Variants in CHSY1 observed in about 807,000 individuals in gnomAD.
The protein encoded by CHSY1 is N-acetylgalactosaminyl-proteoglycan 3-beta-glucuronosyltransferase 1.
A neutral mutation model predicts 59.8 loss-of-function variants in CHSY1; 13 were observed. That is an observed-to-expected ratio of 0.22 (90% CI 0.14 to 0.35). CHSY1 has a LOEUF of 0.35. CHSY1 is among the 10% of genes least tolerant of loss of function. The pLI, the probability that CHSY1 is intolerant of heterozygous loss-of-function variation, is 1.00. For missense variants in CHSY1, 947 were observed against 1,030.6 expected (o/e 0.92, Z 1.11); for synonymous variants, 459 against 401.2 (o/e 1.14, Z -1.72).
At chr15:101,185,255 T>A (rs558387060) in intron 2 of CHSY1, among the ~76,000 whole-genome samples, 1 of 152,302 alleles carries the variant, frequency 6.6e-6, no homozygotes, top group East Asian at 1.9e-4. Flanking sequence ...AAAGCAAAAA[T>A]GTCAATGAGA....
rs577737274 is a variant in CHSY1 at position 101,182,384 on chromosome 15, C to T, written c.817-3404G>A. Among the ~76,000 whole-genome samples the T allele has an allele frequency of 8.9e-4, 136 of 152,334 alleles. 2 individuals are homozygous for T. The South Asian group carries it at 0.017, about 19-fold the overall frequency. On this transcript the variant is annotated intron_variant, in intron 2 of 2. Coordinates refer to ENST00000254190, the MANE Select transcript of CHSY1 (RefSeq NM_014918.5). ...CATTTCAAGCCTACATTTGCACCAGCTGAGCTCACCACAGTGGCAACAGGA... is the reference window on the plus strand; with the variant it reads ...CATTTCAAGCCTACATTTGCACCAGTTGAGCTCACCACAGTGGCAACAGGA...
At chr15:101,188,241 G>A in intron 2 of CHSY1, 1 of 962,836 alleles carries the variant, frequency 1.0e-6, no homozygotes, top group Non-Finnish European at 1.2e-6. Flanking sequence ...TTCAAAGAAA[G>A]TAAGCGTTGT....
chr15:101,228,572 GA>G (rs1203112107), intron 2 of CHSY1, among the ~76,000 whole-genome samples: 2 of 151,964 alleles, frequency 1.3e-5, no homozygotes, highest in African/African-American at 2.4e-5. Flanking sequence ...AGTGATAAAA[GA>G]AAAAAAGATT....
Position 101,178,013 on chromosome 15 carries a change from G to A in CHSY1, c.1784C>T (p.Pro595Leu). The change falls in exon 3 of 3, where the codon CCT becomes CTT. Residue 595 changes from proline to leucine, a missense_variant. Physicochemically the swap from Pro to Leu is moderately conservative, Grantham distance 98. Around this residue, in one of 4 missense-constraint regions of CHSY1, gnomAD observed 602 missense variants for 676.9 expected, o/e 0.89. Coordinates refer to ENST00000254190, the MANE Select transcript of CHSY1 (RefSeq NM_014918.5). ...AGGCAAAATCTGCATGTCGGCTTTAGGGTACTTAATGCGGTAATCTCTCAT... is the reference window on the plus strand; with the variant it reads ...AGGCAAAATCTGCATGTCGGCTTTAAGGTACTTAATGCGGTAATCTCTCAT... ...ELMRDYRIKYPKADMQILPVS... is the reference protein window; with the variant it reads ...ELMRDYRIKYLKADMQILPVS... The A allele has an allele frequency of 1.2e-6, 2 of 1,614,194 alleles. No individual in the cohort carries two copies. Among genetic ancestry groups the A allele is most frequent in the East Asian group, 2.2e-5 (1 of 44,884 alleles).
rs764100516 is a variant in CHSY1, at chr15:101,251,418, C to A, written c.39G>T (p.Leu13=). 2 of 1,131,496 alleles carry A rather than the reference C, an allele frequency of 1.8e-6. No individual in the cohort carries two copies. Among genetic ancestry groups the A allele is most frequent in the Admixed American group, 3.3e-5 (1 of 30,258 alleles). The allele number at this position is 1,131,496 out of a possible 1,614,324, so 70.1% of individuals were successfully genotyped here. ...GCACGAAGCCCAGGACGAGCCCGAG[C>A]AGCACGCTGAGCCAGGCGCGCCGGC... ...ARGRRAWLSV[L]LGLVLGFVLA... The change falls in exon 1 of 3, where the codon CTG becomes CTT. Residue 13 remains leucine (L), a synonymous_variant. Coordinates refer to ENST00000254190, the MANE Select transcript of CHSY1 (RefSeq NM_014918.5).
intron 2 of CHSY1, among the ~76,000 whole-genome samples, chr15:101,221,916 G>C (rs904558681): frequency 1.3e-5 from 2 of 152,008 alleles, no homozygotes; most frequent in African/African-American, 4.8e-5. Context: ...AGAGTTCAAT[G>C]AGAGAAAACA....
intron 2 of CHSY1, among the ~76,000 whole-genome samples, chr15:101,213,924 C>A (rs928141974): frequency 6.6e-6 from 1 of 152,164 alleles, no homozygotes; most frequent in African/African-American, 2.4e-5. Flanking sequence ...AACAAAAATA[C>A]AAGAATGTGG....
intron 2 of CHSY1, among the ~76,000 whole-genome samples, chr15:101,231,496 C>T (rs895302618): frequency 2.6e-5 from 4 of 152,318 alleles, no homozygotes; most frequent in East Asian, 1.9e-4. Context: ...TTTTGAGCCA[C>T]GTGACAGTAT....
chr15:101,176,034 TG>T lies in CHSY1; in HGVS notation c.*1353del. On this transcript the variant is annotated 3_prime_UTR_variant, in exon 3 of 3. Coordinates refer to ENST00000254190, the MANE Select transcript of CHSY1 (RefSeq NM_014918.5). ...CCCCAAAACACATGAGCACCAAAAT[TG>T]TCAAAGAACACTTAATATTTAGTAA... 2.7e-6 allele frequency: 1 copy of T among 371,600 alleles called. No individual in the cohort carries two copies. 23.0% of individuals were successfully genotyped at this position (371,600 alleles called of 1,614,324 possible).
intron 2 of CHSY1, among the ~76,000 whole-genome samples, chr15:101,198,351 C>A (rs1334099125): frequency 6.6e-6 from 1 of 152,172 alleles, no homozygotes; most frequent in East Asian, 1.9e-4. Context: ...GAAAAGCCAT[C>A]CCGTTACTGG....
Position 101,178,778 on chromosome 15 carries a change from A to C in CHSY1, c.1019T>G (p.Leu340Arg). The C allele has an allele frequency of 6.2e-7, 1 of 1,614,210 alleles. No individual in the cohort carries two copies. The highest frequency in any genetic ancestry group is 8.5e-7 in the Non-Finnish European group (1 of 1,180,040). The change falls in exon 3 of 3, where the codon CTG becomes CGG. Residue 340 changes from leucine to arginine, a missense_variant. Around this residue, in one of 4 missense-constraint regions of CHSY1, gnomAD observed 602 missense variants for 676.9 expected, o/e 0.89. Coordinates refer to ENST00000254190, the MANE Select transcript of CHSY1 (RefSeq NM_014918.5). Reference protein sequence around the residue: ...RTIQLHREIVLMSKYSNTEIH... With the variant: ...RTIQLHREIVRMSKYSNTEIH... Reference sequence around the variant, plus strand: ...TTCTGTGTTGCTGTATTTGCTCATCAGGACAATTTCGCGGTGCAGCTGTAT... The same window carrying C: ...TTCTGTGTTGCTGTATTTGCTCATCCGGACAATTTCGCGGTGCAGCTGTAT...
chr15:101,228,104 G>A (rs374950373), intron 2 of CHSY1, among the ~76,000 whole-genome samples: 187 of 152,128 alleles, frequency 1.2e-3, no homozygotes, highest in African/African-American at 4.3e-3. Context: ...GAGCCAAACA[G>A]AAATTATGGA....
At chr15:101,222,106 T>C (rs1403497631) in intron 2 of CHSY1, among the ~76,000 whole-genome samples, 6 of 152,206 alleles carry the variant, frequency 3.9e-5, no homozygotes, top group Admixed American at 6.5e-5. Flanking sequence ...ATAAGCTCTT[T>C]GTAAGGGTTA....
intron 2 of CHSY1, among the ~76,000 whole-genome samples, chr15:101,227,917 G>A (rs2038856577): frequency 7.1e-6 from 1 of 140,354 alleles, no homozygotes; most frequent in African/African-American, 3.0e-5. Context: ...ACAAAACCCA[G>A]CAATAACATC....
chr15:101,232,154 G>A (rs1200060867), intron 2 of CHSY1, among the ~76,000 whole-genome samples: 2 of 151,728 alleles, frequency 1.3e-5, no homozygotes, highest in African/African-American at 2.4e-5. Context: ...ATTTCTACTC[G>A]CCAAAAAAAA....
intron 2 of CHSY1, among the ~76,000 whole-genome samples, chr15:101,224,449 G>A (rs189238194): frequency 6.6e-6 from 1 of 152,312 alleles, no homozygotes; most frequent in African/African-American, 2.4e-5. Context: ...CATAACTTCA[G>A]TTCCCACACA....
intron 2 of CHSY1, among the ~76,000 whole-genome samples, chr15:101,216,089 C>T (rs1596445376): frequency 6.6e-6 from 1 of 152,204 alleles, no homozygotes; most frequent in South Asian, 2.1e-4. Flanking sequence ...GAGCAACTTG[C>T]CCAAATTATA....
At position 101,201,117 on chromosome 15, in the gene CHSY1, G is replaced by A. The variant is rs368137959; in HGVS notation, c.817-22137C>T. Among the ~76,000 whole-genome samples the A allele has an allele frequency of 2.1e-3, 325 of 151,884 alleles. 2 individuals carry two copies. Among genetic ancestry groups the A allele is most frequent in the African/African-American group, 7.6e-3 (315 of 41,386 alleles). On this transcript the variant is annotated intron_variant, in intron 2 of 2. Transcript: ENST00000254190. ...GTGTGTCTATAGGTGGGGGCGGTGC[G>A]GGGGGAGGTGGTCGGGGGTGGCGGG...
chr15:101,222,556 C>G (rs975294094), intron 2 of CHSY1, among the ~76,000 whole-genome samples: 5 of 152,210 alleles, frequency 3.3e-5, no homozygotes, highest in Admixed American at 2.6e-4. Context: ...CTCTTCCAAT[C>G]TAGGGCCCCA....
Sources: allele counts gnomAD v4.1 joint callset (sites outside exome capture counted in the v4.1 genomes callset), GRCh38; gene constraint gnomAD v4.1.1; regional missense constraint gnomAD v4.1.1; transcripts MANE v1.5; gene names NCBI Gene and HGNC (gene_info 2026-07-23, HGNC 2026-07-21).